Variants in ZNF433 observed in about 807,000 individuals in gnomAD.
The protein encoded by ZNF433 is zinc finger protein 433.
Under a neutral mutation model 10.6 loss-of-function variants are expected in ZNF433, and 12 were observed. The ratio of observed to expected loss-of-function variants is 1.13; its 90% CI spans 0.72 to 1.83. The LOEUF (loss-of-function observed/expected upper bound fraction) is 1.83, where lower values mean the gene tolerates loss of function less well. Among genes scored for constraint, ZNF433 ranks in the 40% most tolerant of loss-of-function variants. The pLI, the probability that ZNF433 is intolerant of heterozygous loss-of-function variation, is 0.00. For missense variants in ZNF433, 737 were observed against 798.0 expected (o/e 0.92, Z 0.92); for synonymous variants, 272 against 271.3 (o/e 1.00, Z -0.02).
chr19:12,021,618 C>G (rs1974498415), intron 1 of ZNF433, among the ~76,000 whole-genome samples: 1 of 152,162 alleles, frequency 6.6e-6, no homozygotes, highest in African/African-American at 2.4e-5. Flanking sequence ...TATTATAGTT[C>G]TCATGACACA....
chr19:12,029,111 C>T (rs1242890605), intron 1 of ZNF433, among the ~76,000 whole-genome samples: 1 of 152,080 alleles, frequency 6.6e-6, no homozygotes, highest in Non-Finnish European at 1.5e-5. Flanking sequence ...GATGTAATCT[C>T]TCTGAAATAC....
chr19:12,024,354 G>A (rs1465903017), intron 1 of ZNF433: 3 of 152,182 alleles, frequency 2.0e-5, no homozygotes, highest in African/African-American at 4.8e-5. Flanking sequence ...GACTGTGAAC[G>A]GTTTGCATTT....
chr19:12,016,439 T>G lies in ZNF433; in HGVS notation c.419A>C (p.Lys140Thr), dbSNP rs202218817. 1.0e-3 allele frequency: 1,674 copies of G among 1,614,148 alleles called. 1 individual carries two copies. Among genetic ancestry groups the G allele is most frequent in the Non-Finnish European group, 1.3e-3 (1,544 of 1,180,034 alleles). ...EYQEYGQKPYKCKYCKKPFNC... is the reference protein window; with the variant it reads ...EYQEYGQKPYTCKYCKKPFNC... ...GAAAGGTTTTTTACAGTATTTACATTTATATGGTTTCTGTCCATATTCTTG... is the reference window on the plus strand; with the variant it reads ...GAAAGGTTTTTTACAGTATTTACATGTATATGGTTTCTGTCCATATTCTTG... Residue 140 changes from lysine (K) to threonine (T), a missense_variant, in exon 4 of 4, where the codon AAA becomes ACA. Lys to Thr is a moderately conservative substitution (Grantham distance 78). Transcript: ENST00000550507.
In ZNF433 at chr19:12,016,196, TTC is replaced by T; in HGVS notation, c.660_661del (p.Lys221ThrfsTer5). Reference sequence around the variant, plus strand: ...ACCACACTGTTTACATTGATATGGTTTCTCTCCAGTGTGAGTTCGTTTGTGGA... The same window carrying T: ...ACCACACTGTTTACATTGATATGGTTTCTCCAGTGTGAGTTCGTTTGTGGA... On this transcript the variant is annotated frameshift_variant, in exon 4 of 4. Transcript: ENST00000550507. LOFTEE classifies it low-confidence loss of function (END_TRUNC). 6.2e-7 allele frequency: 1 copy of T among 1,614,112 alleles called. No individual in the cohort carries two copies. The highest frequency in any genetic ancestry group is 8.5e-7 in the Non-Finnish European group (1 of 1,180,000).
At chr19:12,017,798 C>CTT (rs57013722) in intron 3 of ZNF433, 78 bp downstream of exon 3, 32,443 of 761,880 alleles carry the variant, frequency 0.043, 942 homozygotes, top group African/African-American at 0.19. Context: ...CTTTTGTTTC[C>CTT]TTTTTTTTTT....
At chr19:12,026,398 C>T (rs1974735293) in intron 1 of ZNF433, 1 of 293,648 alleles carries the variant, frequency 3.4e-6, no homozygotes, top group Non-Finnish European at 6.6e-6. Flanking sequence ...CAGAGAAAAA[C>T]CTGAGAAAAG....
chr19:12,035,528 C>T lies in ZNF433; in HGVS notation c.3+9G>A, dbSNP rs1298226195. 1 of 1,572,668 alleles carries T rather than the reference C, an allele frequency of 6.4e-7. No individual in the cohort carries two copies. The highest frequency in any genetic ancestry group is 8.6e-7 in the Non-Finnish European group (1 of 1,159,150). On this transcript the variant is annotated intron_variant, in intron 1 of 3. Transcript: ENST00000550507. ...CCCCCGCCTCGGGACCCCTGGCCCG[C>T]ACGCTCACCATTTCTTGCCTTTCAG...
chr19:12,018,778 A>G (rs1974341801), intron 1 of ZNF433: 1 of 152,506 alleles, frequency 6.6e-6, no homozygotes, highest in South Asian at 2.1e-4. Context: ...AAGGGGTCTT[A>G]TCAATCTAAA....
chr19:12,035,280 G>A (rs902286759), intron 1 of ZNF433, among the ~76,000 whole-genome samples: 5 of 152,168 alleles, frequency 3.3e-5, no homozygotes, highest in Admixed American at 2.6e-4. Flanking sequence ...GCGGGGCAGC[G>A]GGCGCGGAGC....
chr19:12,030,173 A>G (rs1398624586), intron 1 of ZNF433: 2 of 448,234 alleles, frequency 4.5e-6, no homozygotes, highest in Admixed American at 4.8e-5. Flanking sequence ...TTGAACATGG[A>G]CTTCATAACT....
At chr19:12,027,208 G>A (rs1974782507) in intron 1 of ZNF433, 1 of 399,000 alleles carries the variant, frequency 2.5e-6, no homozygotes, top group African/African-American at 2.1e-5. Flanking sequence ...GAGGCTCTGT[G>A]ATTTCAATGA....
intron 1 of ZNF433, among the ~76,000 whole-genome samples, chr19:12,029,432 G>C (rs1974892688): frequency 7.3e-6 from 1 of 137,434 alleles, no homozygotes; most frequent in Admixed American, 8.5e-5. Context: ...GAGGCAGGGA[G>C]AATTACTTGA....
intron 1 of ZNF433, chr19:12,027,082 AC>A (rs1178168127): frequency 4.5e-6 from 2 of 449,174 alleles, no homozygotes; most frequent in Non-Finnish European, 8.9e-6. Context: ...AATTAAAAGA[AC>A]AAATATTTAA....
intron 1 of ZNF433, among the ~76,000 whole-genome samples, chr19:12,019,052 T>TAAAAAAAA: frequency 1.6e-5 from 1 of 62,812 alleles, no homozygotes; most frequent in Non-Finnish European, 3.3e-5. Context: ...TCCATCTTAA[T>TAAAAAAAA]AAAAAAAAAA....
chr19:12,029,521 CAAAAAAAAAAAAAAAA>C (rs55659942), intron 1 of ZNF433, among the ~76,000 whole-genome samples: 1 of 48,424 alleles, frequency 2.1e-5, no homozygotes, highest in Non-Finnish European at 3.5e-5. Context: ...GACTCTGTCT[CAAAAAAAAAAAAAAAA>C]AAAAAAAAAA....
In ZNF433 at chr19:12,014,762, CAG is replaced by C. The variant is rs1469799517; in HGVS notation, c.*81_*82del. 89 of 981,254 alleles carry C rather than the reference CAG, an allele frequency of 9.1e-5. No homozygotes were observed. In the African/African-American group the frequency reaches 1.2e-3, roughly 13 times the overall value. The allele number at this position is 981,254 out of a possible 1,614,324, so 60.8% of individuals were successfully genotyped here. A position where few individuals can be genotyped will look rare whatever the true frequency, so the allele number is the denominator to read the frequency against. On this transcript the variant is annotated 3_prime_UTR_variant, in exon 4 of 4. Transcript: ENST00000550507. ...TTATTTATTTATTTAATTTTTATAACAGAGTCTCACTATGTTGCCCAGGCTGG... is the reference window on the plus strand; with the variant it reads ...TTATTTATTTATTTAATTTTTATAACAGTCTCACTATGTTGCCCAGGCTGG...
At chr19:12,026,388 C>A (rs1279261608) in intron 1 of ZNF433, 3 of 297,506 alleles carry the variant, frequency 1.0e-5, no homozygotes, top group Non-Finnish European at 2.0e-5. Flanking sequence ...TCACAGATGG[C>A]AGAGAAAAAC....
Position 12,031,137 on chromosome 19 carries a change from A to C in ZNF433, c.3+4400T>G, listed in dbSNP as rs371904176. 9.1e-4 allele frequency among the ~76,000 whole-genome samples: 139 copies of C among 152,198 alleles called. 3 individuals carry two copies. The South Asian group carries it at 0.012, about 13-fold the overall frequency. On this transcript the variant is annotated intron_variant, in intron 1 of 3. Transcript: ENST00000550507. ...ACGGTGAAACCCCGTCTCTACTAAA[A>C]ATACAAAAATTAGCTGGATGTGGTA...
rs1160453286 is a variant in ZNF433, at chr19:12,016,420, T to C, written c.438A>G (p.Lys146=). ...GAACAGAGGAGAGACAGTTGAAAGG[T>C]TTTTTACAGTATTTACATTTATATG... ...QKPYKCKYCK[K]PFNCLSSVQT... The change falls in exon 4 of 4, where the codon AAA becomes AAG. Residue 146 remains lysine, a synonymous_variant. Coordinates refer to ENST00000550507, the MANE Select transcript of ZNF433 (RefSeq NM_001308348.2). The C allele has an allele frequency of 3.1e-6, 5 of 1,614,050 alleles. No homozygotes were observed. The Admixed American group carries it at 8.3e-5, about 27-fold the overall frequency.
Sources: allele counts gnomAD v4.1 joint callset (sites outside exome capture counted in the v4.1 genomes callset), GRCh38; gene constraint gnomAD v4.1.1; transcripts MANE v1.5; gene names NCBI Gene and HGNC (gene_info 2026-07-23, HGNC 2026-07-21).